Variants in DNAH14 observed in about 807,000 individuals in gnomAD.
DNAH14 encodes axonemal beta dynein heavy chain 14.
DNAH14 carries 478 observed loss-of-function variants against 520.9 expected under a neutral mutation model. The observed-to-expected ratio is 0.92, with a 90% CI of 0.85 to 0.99. The LOEUF (loss-of-function observed/expected upper bound fraction) is 0.99, where lower values mean the gene tolerates loss of function less well. Among genes scored for constraint, DNAH14 ranks in the 50% least tolerant of loss-of-function variants. The probability of loss-of-function intolerance (pLI) is 0.00; values close to 1 mark genes in which losing one functional copy is unlikely to be tolerated. For synonymous variants in DNAH14, 1,581 were observed against 1,757.2 expected (o/e 0.90, Z 2.51); for missense variants, 4,831 against 5,234.5 (o/e 0.92, Z 2.38).
chr1:225,372,351 C>A (rs558384251), intron 77 of DNAH14, among the ~76,000 whole-genome samples: 1 of 152,128 alleles, frequency 6.6e-6, no homozygotes, highest in South Asian at 2.1e-4. Flanking sequence ...ATCCACTATA[C>A]TAAAATCAAT....
rs2095292510 is a variant in DNAH14, at chr1:225,346,776, C to T, written c.11296+122C>T. ...AAAGTAAAAGTAGCTTGAGGTCAAG[C>T]ACCTCCACTGTTACTCAATAATTTT... On this transcript the variant is annotated intron_variant, in intron 71 of 85. Coordinates refer to ENST00000682510, the MANE Select transcript of DNAH14 (RefSeq NM_001367479.1). 1.2e-5 allele frequency: 8 copies of T among 641,466 alleles called. No individual in the cohort carries two copies. The South Asian group carries it at 1.5e-4, about 12-fold the overall frequency. The allele number at this position is 641,466 out of a possible 1,614,324, so 39.7% of individuals were successfully genotyped here.
At chr1:225,207,798 A>G (rs375814135) in intron 41 of DNAH14, among the ~76,000 whole-genome samples, 7 of 152,300 alleles carry the variant, frequency 4.6e-5, no homozygotes, top group Admixed American at 4.6e-4. Context: ...ATCATTATAA[A>G]TCCCTGAGGT....
At chr1:224,989,176 A>G (rs1007860693) in intron 8 of DNAH14, among the ~76,000 whole-genome samples, 31 of 152,156 alleles carry the variant, frequency 2.0e-4, no homozygotes, top group Non-Finnish European at 1.9e-4. Context: ...TACCTACTCA[A>G]ATATTAATCT....
chr1:225,261,682 C>A (rs1248790763), intron 46 of DNAH14, among the ~76,000 whole-genome samples: 2 of 152,000 alleles, frequency 1.3e-5, no homozygotes, highest in African/African-American at 4.8e-5. Flanking sequence ...ATTCCCTCCA[C>A]TTCAATGTTT....
chr1:225,182,900 G>A (rs2149301544), intron 36 of DNAH14, among the ~76,000 whole-genome samples: 1 of 152,298 alleles, frequency 6.6e-6, no homozygotes, highest in East Asian at 1.9e-4. Context: ...AAATTCTGTG[G>A]TAGGCAGGCC....
intron 21 of DNAH14, among the ~76,000 whole-genome samples, chr1:225,089,464 A>AAAAAAAAAAAAAAAAAAG (rs775049047): frequency 3.1e-4 from 43 of 138,364 alleles, no homozygotes; most frequent in Non-Finnish European, 4.6e-4. Context: ...AAAAAAAAAA[A>AAAAAAAAAAAAAAAAAAG]AGAGAGCGAG....
chr1:225,017,600 C>G (rs964531115), intron 10 of DNAH14, among the ~76,000 whole-genome samples: 2 of 152,222 alleles, frequency 1.3e-5, no homozygotes, highest in Non-Finnish European at 2.9e-5. Context: ...AGAGCATGGT[C>G]ACTAAGGACT....
intron 6 of DNAH14, 55 bp downstream of exon 6, chr1:224,967,638 C>T: frequency 6.3e-7 from 1 of 1,594,544 alleles, no homozygotes; most frequent in South Asian, 1.2e-5. Context: ...AAATATTATC[C>T]AAGGTAGAAT....
At chr1:225,200,399 AT>A (rs935603979) in intron 38 of DNAH14, among the ~76,000 whole-genome samples, 5 of 151,306 alleles carry the variant, frequency 3.3e-5, no homozygotes, top group African/African-American at 1.2e-4. Flanking sequence ...TTGGTTTTTC[AT>A]TTTTTTGGTT....
intron 1 of DNAH14, among the ~76,000 whole-genome samples, chr1:224,946,359 G>A (rs1166147022): frequency 6.6e-6 from 1 of 152,120 alleles, no homozygotes. Flanking sequence ...GTATTAGGGT[G>A]GGAGTGACCC....
At chr1:225,265,436 A>G in intron 48 of DNAH14, 67 bp downstream of exon 48, 1 of 1,324,318 alleles carries the variant, frequency 7.6e-7, no homozygotes, top group South Asian at 1.6e-5. Context: ...TATTTTAATT[A>G]ATACTAATCA....
chr1:225,025,397 C>G (rs780010871), intron 11 of DNAH14, among the ~76,000 whole-genome samples: 1 of 151,664 alleles, frequency 6.6e-6, no homozygotes, highest in Non-Finnish European at 1.5e-5. Context: ...TGATTTGACT[C>G]TTGCTAGTTT....
chr1:224,958,713 G>A (rs927161728), intron 3 of DNAH14, among the ~76,000 whole-genome samples: 13 of 152,070 alleles, frequency 8.5e-5, no homozygotes, highest in African/African-American at 2.9e-4. Context: ...ACTTAGTGAT[G>A]GGAGGACATC....
intron 71 of DNAH14, among the ~76,000 whole-genome samples, chr1:225,351,157 A>G (rs982712436): frequency 2.0e-5 from 3 of 152,178 alleles, no homozygotes; most frequent in Non-Finnish European, 4.4e-5. Context: ...TAATCCCAAC[A>G]CTTTGGGAGG....
chr1:224,949,335 T>A (rs2060028275), intron 1 of DNAH14, among the ~76,000 whole-genome samples: 1 of 151,952 alleles, frequency 6.6e-6, no homozygotes, highest in Non-Finnish European at 1.5e-5. Flanking sequence ...TGTGTGCATG[T>A]GTGTGTGTGT....
At chr1:225,338,294 T>G in intron 68 of DNAH14, 112 bp downstream of exon 68, 8 of 1,301,152 alleles carry the variant, frequency 6.1e-6, no homozygotes, top group Non-Finnish European at 8.7e-6. Flanking sequence ...AAAAGTAAGA[T>G]TGTCTTTGGA....
chr1:224,980,168 G>A (rs2062159543), intron 8 of DNAH14, among the ~76,000 whole-genome samples: 1 of 152,108 alleles, frequency 6.6e-6, no homozygotes, highest in Non-Finnish European at 1.5e-5. Context: ...ACAGTGGGAT[G>A]GAATACCAAG....
chr1:225,024,246 T>C, intron 11 of DNAH14: 1 of 986,108 alleles, frequency 1.0e-6, no homozygotes, highest in Non-Finnish European at 1.2e-6. Context: ...CAGAGTTAGT[T>C]TTTAAAGATA....
At chr1:225,129,781 C>A (rs2078179392) in intron 27 of DNAH14, among the ~76,000 whole-genome samples, 2 of 152,134 alleles carry the variant, frequency 1.3e-5, no homozygotes, top group African/African-American at 2.4e-5. Flanking sequence ...GTCTAAAACA[C>A]CAAAAGCAAT....
Sources: allele counts gnomAD v4.1 joint callset (sites outside exome capture counted in the v4.1 genomes callset), GRCh38; gene constraint gnomAD v4.1.1; transcripts MANE v1.5; gene names NCBI Gene and HGNC (gene_info 2026-07-23, HGNC 2026-07-21).